LRCH1: variants seen among roughly 807,000 people sequenced by gnomAD.
The protein encoded by LRCH1 is leucine-rich repeat and calponin homology domain-containing protein 1.
LRCH1 carries 23 observed loss-of-function variants against 94.9 expected under a neutral mutation model. That is an observed-to-expected ratio of 0.24 (90% CI 0.17 to 0.34). The LOEUF (loss-of-function observed/expected upper bound fraction) is 0.34. LRCH1 is among the 10% of genes least tolerant of loss of function. The probability of loss-of-function intolerance (pLI) is 1.00; values close to 1 mark genes in which losing one functional copy is unlikely to be tolerated. For missense variants in LRCH1, 790 were observed against 945.9 expected (o/e 0.84, Z 2.16); for synonymous variants, 364 against 354.9 (o/e 1.03, Z -0.29).
intron 1 of LRCH1, among the ~76,000 whole-genome samples, chr13:46,610,488 CT>C (rs745707835): frequency 4.3e-3 from 596 of 138,818 alleles, no homozygotes; most frequent in Non-Finnish European, 4.6e-3. Flanking sequence ...TCTTTTTTTC[CT>C]TTTTTTTTTT....
intron 2 of LRCH1, among the ~76,000 whole-genome samples, chr13:46,663,071 A>G (rs2051470039): frequency 6.6e-6 from 1 of 152,190 alleles, no homozygotes; most frequent in African/African-American, 2.4e-5. Flanking sequence ...AAGTCTTCAA[A>G]TGATTGTCAC....
chr13:46,695,040 C>T (rs760969444), intron 9 of LRCH1, 23 bp downstream of exon 9: 57 of 1,610,542 alleles, frequency 3.5e-5, no homozygotes, highest in African/African-American at 1.6e-4. Flanking sequence ...GGATCAACTA[C>T]GTTTTTTTAC....
chr13:46,618,959 G>A lies in LRCH1; in HGVS notation c.308-31242G>A, dbSNP rs964574318. On this transcript the variant is annotated intron_variant, in intron 1 of 19. Transcript: ENST00000389797. ...CTCTTAGGTTGAAATAACTTTTAGA[G>A]CGATGGTGCCACAGTTTACAAATAT... Among the ~76,000 whole-genome samples the A allele has an allele frequency of 9.8e-5, 15 of 152,302 alleles. No individual in the cohort carries two copies. In the South Asian group the frequency reaches 3.1e-3, roughly 32 times the overall value.
chr13:46,714,476 G>A (rs951010419), intron 15 of LRCH1, among the ~76,000 whole-genome samples: 3 of 152,152 alleles, frequency 2.0e-5, no homozygotes, highest in Admixed American at 6.5e-5. Context: ...AGTAGCTTTA[G>A]AATGCTTAAA....
intron 1 of LRCH1, among the ~76,000 whole-genome samples, chr13:46,593,295 T>C (rs1372812528): frequency 2.0e-5 from 3 of 148,150 alleles, no homozygotes; most frequent in African/African-American, 7.5e-5. Flanking sequence ...TTTTTTTTTT[T>C]TTTTTTGTCC....
chr13:46,561,196 G>A (rs1466454640), intron 1 of LRCH1, among the ~76,000 whole-genome samples: 1 of 152,228 alleles, frequency 6.6e-6, no homozygotes, highest in Non-Finnish European at 1.5e-5. Context: ...TGATGCTGGT[G>A]CTGAGGCAGC....
chr13:46,576,027 C>T (rs746783741), intron 1 of LRCH1, among the ~76,000 whole-genome samples: 2 of 152,140 alleles, frequency 1.3e-5, no homozygotes, highest in Non-Finnish European at 2.9e-5. Context: ...GTGGATTTAC[C>T]TCCCTGTGTC....
chr13:46,621,559 A>G (rs753036576), intron 1 of LRCH1, among the ~76,000 whole-genome samples: 1 of 152,214 alleles, frequency 6.6e-6, no homozygotes, highest in Non-Finnish European at 1.5e-5. Context: ...GGGGTAAGGC[A>G]TTAGTTGGAA....
At chr13:46,648,465 C>T (rs937246968) in intron 1 of LRCH1, among the ~76,000 whole-genome samples, 1 of 152,218 alleles carries the variant, frequency 6.6e-6, no homozygotes, top group African/African-American at 2.4e-5. Flanking sequence ...CTATCCACCA[C>T]ACTGCTCTAT....
intron 1 of LRCH1, among the ~76,000 whole-genome samples, chr13:46,571,977 G>T (rs1594252196): frequency 6.6e-6 from 1 of 152,252 alleles, no homozygotes; most frequent in East Asian, 1.9e-4. Context: ...CCCACAGAGG[G>T]GGAGTTATTT....
rs529831162 is a variant in LRCH1, at chr13:46,668,329, CT to C, written c.453-695del. On this transcript the variant is annotated intron_variant, in intron 2 of 19. Coordinates refer to ENST00000389797, the MANE Select transcript of LRCH1 (RefSeq NM_001164211.2). The stretch of plus-strand genomic sequence containing the variant: ...AGCAGAGATGAGACATCAACTTAGA[CT>C]TTTTTGGCTGCTCTGTGGAACTAAA... Among the ~76,000 whole-genome samples the C allele has an allele frequency of 2.7e-3, 404 of 152,222 alleles. 1 individual carries two copies. Among genetic ancestry groups the C allele is most frequent in the South Asian group, 0.019 (92 of 4,824 alleles).
exon 19 of LRCH1, chr13:46,751,569 T>C (rs1458215483): frequency 1.3e-5 from 2 of 152,228 alleles, no homozygotes; most frequent in Non-Finnish European, 2.9e-5. Flanking sequence ...TGAACAATTA[T>C]TTTTTGGATT....
chr13:46,602,294 G>T (rs1190017741), intron 1 of LRCH1, among the ~76,000 whole-genome samples: 1 of 152,204 alleles, frequency 6.6e-6, no homozygotes, highest in African/African-American at 2.4e-5. Flanking sequence ...GAAGACCAGA[G>T]AAATTTAAGT....
chr13:46,652,807 A>G (rs193158925), intron 2 of LRCH1, among the ~76,000 whole-genome samples: 8 of 152,344 alleles, frequency 5.3e-5, no homozygotes. Flanking sequence ...TGTTGTATTT[A>G]GTCCATGTTC....
intron 3 of LRCH1, among the ~76,000 whole-genome samples, chr13:46,674,080 T>A (rs2051639471): frequency 6.6e-6 from 1 of 152,174 alleles, no homozygotes; most frequent in Non-Finnish European, 1.5e-5. Context: ...CCATGCTTGG[T>A]CAGAATTGTG....
At chr13:46,682,915 G>T (rs542005778) in intron 4 of LRCH1, among the ~76,000 whole-genome samples, 6 of 152,182 alleles carry the variant, frequency 3.9e-5, no homozygotes, top group African/African-American at 7.2e-5. Context: ...AGCCTCATAG[G>T]GGGTAGTGGA....
At chr13:46,708,565 C>CTTTGGGTG (rs1871895514) in intron 13 of LRCH1, among the ~76,000 whole-genome samples, 2 of 152,216 alleles carry the variant, frequency 1.3e-5, no homozygotes, top group Admixed American at 1.3e-4. Flanking sequence ...AGCCACTGCA[C>CTTTGGGTG]CCAGCCTGAT....
chr13:46,649,395 G>A (rs188496913), intron 1 of LRCH1, among the ~76,000 whole-genome samples: 11 of 152,072 alleles, frequency 7.2e-5, no homozygotes, highest in Non-Finnish European at 1.5e-4. Context: ...TAGATATTAG[G>A]ATATTAAGGA....
chr13:46,561,192 T>C (rs886101672), intron 1 of LRCH1, among the ~76,000 whole-genome samples: 4 of 152,260 alleles, frequency 2.6e-5, no homozygotes, highest in Non-Finnish European at 2.9e-5. Context: ...AATATGATGC[T>C]GGTGCTGAGG....
Sources: gnomAD v4.1 joint callset for allele counts (sites outside exome capture counted in the v4.1 genomes callset) on GRCh38, gnomAD v4.1.1 for gene constraint, MANE v1.5 for transcripts, NCBI Gene and HGNC (gene_info 2026-07-23, HGNC 2026-07-21) for gene names.